DCLRE1A: variants seen among roughly 807,000 people sequenced by gnomAD.
DCLRE1A encodes DNA cross-link repair 1A.
In DCLRE1A, 64 loss-of-function variants were observed where a neutral mutation model predicts 91.9. That is an observed-to-expected ratio of 0.70 (90% CI 0.57 to 0.86). The LOEUF is 0.86. DCLRE1A is among the 40% of genes least tolerant of loss of function. The pLI is 0.00. For synonymous variants in DCLRE1A, 416 were observed against 431.1 expected (o/e 0.96, Z 0.43); for missense variants, 1,145 against 1,213.3 (o/e 0.94, Z 0.84).
In DCLRE1A at chr10:113,849,101, TTTAC is replaced by T; in HGVS notation, c.2000_2003del (p.Ser667LysfsTer26). The T allele has an allele frequency of 1.2e-6, 2 of 1,614,152 alleles. No individual in the cohort carries two copies. Among genetic ancestry groups the T allele is most frequent in the Non-Finnish European group, 1.7e-6 (2 of 1,180,018 alleles). ...GAGCTGATTTTGTGAAGACTTTGAC[TTTAC>T]TTAAATTGACTGCTTCAGATTCTGT... On this transcript the variant is annotated frameshift_variant, in exon 2 of 9. Transcript: ENST00000361384. LOFTEE classifies it high-confidence loss of function.
In DCLRE1A at chr10:113,835,181, T is replaced by C; in HGVS notation, c.3094A>G (p.Arg1032Gly). Residue 1032 changes from arginine to glycine, a missense_variant, in exon 9 of 9, where the codon AGA (arginine) becomes GGA (glycine). Transcript: ENST00000361384. ...TATCCAGCTTCCAATTTCCACTCTC[T>C]AAAATATTTCTCCATTGTGCTCCTA... is the stretch of plus-strand genomic sequence containing the variant. ...KSRSTMEKYF[R>G]EWKLEAGY 6.2e-7 allele frequency: 1 copy of C among 1,614,022 alleles called. No individual in the cohort carries two copies. Among genetic ancestry groups the C allele is most frequent in the Non-Finnish European group, 8.5e-7 (1 of 1,179,978 alleles).
At position 113,850,544 on chromosome 10, in the gene DCLRE1A, A is replaced by G; in HGVS notation, c.561T>C (p.Phe187=). 1.2e-6 allele frequency: 2 copies of G among 1,614,116 alleles called. No homozygotes were observed. Among genetic ancestry groups the G allele is most frequent in the Non-Finnish European group, 8.5e-7 (1 of 1,180,006 alleles). The change falls in exon 2 of 9, where the codon TTT becomes TTC. Residue 187 remains phenylalanine (F), a synonymous_variant. Transcript: ENST00000361384. The part of the protein sequence containing the change: ...LAQSRAGDHP[F]SSPSPASGGS... Reference sequence around the variant, plus strand: ...CACCTGACGCAGGTGATGGGCTGCTAAAAGGATGATCACCAGCCCTGCTTT... The same window carrying G: ...CACCTGACGCAGGTGATGGGCTGCTGAAAGGATGATCACCAGCCCTGCTTT...
intron 7 of DCLRE1A, among the ~76,000 whole-genome samples, 171 bp from the exon 8 acceptor site, chr10:113,837,374 A>G (rs1360461869): frequency 1.3e-5 from 2 of 152,208 alleles, no homozygotes; most frequent in Non-Finnish European, 2.9e-5. Flanking sequence ...AAAAAAATAT[A>G]TAAAATATTT....
At chr10:113,846,989 T>C (rs1445389211) in intron 3 of DCLRE1A, among the ~76,000 whole-genome samples, 1 of 152,214 alleles carries the variant, frequency 6.6e-6, no homozygotes, top group Non-Finnish European at 1.5e-5. Context: ...AAATAGTTTA[T>C]CTTTTGTTTC....
Position 113,853,575 on chromosome 10 carries a change from T to C in DCLRE1A, c.-393A>G, listed in dbSNP as rs926052415. On this transcript the variant is annotated 5_prime_UTR_variant, in exon 1 of 9. Transcript: ENST00000361384. ...CAACAGCTTAATCTTAGAACGAGAT[T>C]TGTAACATTGTTATGAAGCTACTGT... is the stretch of plus-strand genomic sequence containing the variant. The C allele has an allele frequency of 3.1e-5, 5 of 161,608 alleles. No individual in the cohort carries two copies. The highest frequency in any genetic ancestry group is 6.7e-5 in the Non-Finnish European group (5 of 74,854). The allele number at this position is 161,608 out of a possible 1,614,324, so 10.0% of individuals were successfully genotyped here. A position where few individuals can be genotyped will look rare whatever the true frequency, so the allele number is the denominator to read the frequency against.
At chr10:113,836,454 A>G (rs2134644002) in intron 8 of DCLRE1A, among the ~76,000 whole-genome samples, 1 of 152,206 alleles carries the variant, frequency 6.6e-6, no homozygotes, top group Non-Finnish European at 1.5e-5. Context: ...TTTGTCCCCA[A>G]GCTTTGCACA....
Position 113,847,238 on chromosome 10 carries a change from C to A in DCLRE1A, c.2223G>T (p.Leu741Phe), listed in dbSNP as rs1456726757. ...THFHSDHYAG[L>F]SKHFTFPVYC... Reference sequence around the variant, plus strand: ...AAACTGGAAATGTGAAGTGTTTAGACAATCCAGCATAATGATCAGAATGAA... The same window carrying A: ...AAACTGGAAATGTGAAGTGTTTAGAAAATCCAGCATAATGATCAGAATGAA... The change falls in exon 3 of 9, where the codon TTG becomes TTT. Residue 741 changes from leucine (L) to phenylalanine (F), a missense_variant. Transcript: ENST00000361384. 1 of 1,613,350 alleles carries A rather than the reference C, an allele frequency of 6.2e-7. No individual in the cohort carries two copies. Among genetic ancestry groups the A allele is most frequent in the Non-Finnish European group, 8.5e-7 (1 of 1,179,542 alleles).
intron 7 of DCLRE1A, among the ~76,000 whole-genome samples, chr10:113,840,068 C>T (rs1357464350): frequency 2.0e-5 from 3 of 152,020 alleles, no homozygotes; most frequent in African/African-American, 7.2e-5. Context: ...CTGAGGCGGG[C>T]AGACCACTTG....
At chr10:113,841,649 C>T (rs984466216) in intron 6 of DCLRE1A, 89 bp from the exon 7 acceptor site, 3 of 1,353,892 alleles carry the variant, frequency 2.2e-6, no homozygotes, top group Admixed American at 5.2e-5. Flanking sequence ...TAAGAATTTA[C>T]CAAATAAAAG....
At chr10:113,835,473 T>C (rs2134642329) in intron 8 of DCLRE1A, among the ~76,000 whole-genome samples, 161 bp from the exon 9 acceptor site, 1 of 152,348 alleles carries the variant, frequency 6.6e-6, no homozygotes. Context: ...CTTGTTGATA[T>C]CTTTTATGAA....
At chr10:113,836,078 CT>C (rs536997434) in intron 8 of DCLRE1A, among the ~76,000 whole-genome samples, 6 of 152,178 alleles carry the variant, frequency 3.9e-5, no homozygotes, top group Non-Finnish European at 7.3e-5. Context: ...TGCCCTTTGC[CT>C]TCTGTCATGA....
rs1845677279 is a variant in DCLRE1A at position 113,852,800 on chromosome 10, G to A, written c.383C>T (p.Pro128Leu). The A allele has an allele frequency of 6.2e-7, 1 of 1,614,156 alleles. No homozygotes were observed. Among genetic ancestry groups the A allele is most frequent in the Non-Finnish European group, 8.5e-7 (1 of 1,179,994 alleles). The change falls in exon 1 of 9, where the codon CCT becomes CTT. Residue 128 changes from proline to leucine, a missense_variant. Pro to Leu is a moderately conservative substitution (Grantham distance 98, BLOSUM62 -3). Coordinates refer to ENST00000361384, the MANE Select transcript of DCLRE1A (RefSeq NM_014881.5). ...YDGYCPNCQMPFSSLIGQTPR... is the reference protein window; with the variant it reads ...YDGYCPNCQMLFSSLIGQTPR... ...TGTCTGCCCTATCAATGAGGAAAAA[G>A]GCATCTGGCAATTTGGACAGTATCC...
intron 1 of DCLRE1A, among the ~76,000 whole-genome samples, chr10:113,851,200 G>C (rs570140630): frequency 1.3e-5 from 2 of 152,278 alleles, no homozygotes; most frequent in African/African-American, 4.8e-5. Flanking sequence ...TTCAACCATG[G>C]ACTCCAATTT....
rs747086391 is a variant in DCLRE1A, at chr10:113,849,512, A to T, written c.1593T>A (p.Ala531=). The part of the protein sequence containing the change: ...LNTENLSSTP[A]PKYLKILPSG... ...AAGGCAATATTTTCAAATACTTCGG[A>T]GCAGGTGTACTAGACAAGTTTTCTG... Residue 531 remains alanine (A), a synonymous_variant, in exon 2 of 9, where the codon GCT becomes GCA. Transcript: ENST00000361384. The T allele has an allele frequency of 6.2e-7, 1 of 1,613,948 alleles. No individual in the cohort carries two copies.
chr10:113,848,032 G>A (rs578206978), intron 2 of DCLRE1A, among the ~76,000 whole-genome samples: 14 of 152,268 alleles, frequency 9.2e-5, no homozygotes, highest in Admixed American at 2.0e-4. Context: ...ATAGAAAATT[G>A]GCCGGGCTCG....
chr10:113,850,606 A>T lies in DCLRE1A; in HGVS notation c.499T>A (p.Phe167Ile). The part of the protein sequence containing the change: ...DGLLCTSTIP[F>I]HYKRYTHFLL... Reference sequence around the variant, plus strand: ...AAGTGAGTGTATCTCTTGTAATGAAAAGGAATGGTTGAGGTACACAGAAGA... The same window carrying T: ...AAGTGAGTGTATCTCTTGTAATGAATAGGAATGGTTGAGGTACACAGAAGA... Residue 167 changes from phenylalanine to isoleucine, a missense_variant, in exon 2 of 9, where the codon TTT becomes ATT. Phe to Ile is a conservative substitution (Grantham distance 21). Transcript: ENST00000361384. The T allele has an allele frequency of 6.2e-7, 1 of 1,613,230 alleles. No homozygotes were observed.
Position 113,844,220 on chromosome 10 carries a change from G to T in DCLRE1A, c.2403C>A (p.Leu801=), listed in dbSNP as rs757710794. 2.5e-6 allele frequency: 4 copies of T among 1,614,166 alleles called. No homozygotes were observed. In the Admixed American group the frequency reaches 5.0e-5, roughly 20 times the overall value. The change falls in exon 5 of 9, where the codon CTC becomes CTA. Residue 801 remains leucine (L), a synonymous_variant. Coordinates refer to ENST00000361384, the MANE Select transcript of DCLRE1A (RefSeq NM_014881.5). ...ANHCPGAVMI[L]FYLPNGTVIL... ...TGACAGTACCATTAGGAAGATAAAA[G>T]AGGATCATGACAGCACCTGGACAGC...
intron 2 of DCLRE1A, 60 bp from the exon 3 acceptor site, chr10:113,847,395 T>C: frequency 6.3e-7 from 1 of 1,589,912 alleles, no homozygotes; most frequent in Non-Finnish European, 8.6e-7. Flanking sequence ...AATTTGATTA[T>C]AAATACTGAA....
intron 7 of DCLRE1A, among the ~76,000 whole-genome samples, chr10:113,838,764 C>A (rs1189838757): frequency 6.6e-6 from 1 of 151,980 alleles, no homozygotes; most frequent in Non-Finnish European, 1.5e-5. Flanking sequence ...AACATTTTAC[C>A]ACAATCAATC....
Sources: allele counts gnomAD v4.1 joint callset (sites outside exome capture counted in the v4.1 genomes callset), GRCh38; gene constraint gnomAD v4.1.1; transcripts MANE v1.5; gene names NCBI Gene and HGNC (gene_info 2026-07-23, HGNC 2026-07-21).